The following PACRG variants were observed in gnomAD, a reference collection of about 807,000 sequenced individuals.
PACRG encodes parkin coregulated gene protein.
Under a neutral mutation model 29.7 loss-of-function variants are expected in PACRG, and 29 were observed. That is an observed-to-expected ratio of 0.98 (90% CI 0.73 to 1.33). PACRG has a LOEUF of 1.33. Ranked by LOEUF, PACRG falls within the 40% of genes most tolerant of loss-of-function variation. The pLI, the probability that PACRG is intolerant of heterozygous loss-of-function variation, is 0.00. For synonymous variants in PACRG, 116 were observed against 118.7 expected, an observed-to-expected ratio of 0.98 and a Z score of 0.15; for missense variants, 279 against 316.2, an observed-to-expected ratio of 0.88 and a Z score of 0.89.
chr6:162,824,940 G>T (rs1685250147), intron 2 of PACRG, among the ~76,000 whole-genome samples: 1 of 152,142 alleles, frequency 6.6e-6, no homozygotes, highest in Non-Finnish European at 1.5e-5. Flanking sequence ...TCAGTGATCT[G>T]GTTCAAATAA....
At chr6:163,174,133 A>G (rs7740626) in intron 4 of PACRG, among the ~76,000 whole-genome samples, 83,870 of 152,172 alleles carry the variant, frequency 0.55, 25,307 homozygotes, top group African/African-American at 0.81. Context: ...GAGCAGGAAT[A>G]CCCAATCTTT....
chr6:163,215,622 T>A (rs1459251945), intron 4 of PACRG, among the ~76,000 whole-genome samples: 3 of 152,196 alleles, frequency 2.0e-5, no homozygotes, highest in Non-Finnish European at 2.9e-5. Context: ...ATCTTAGAGC[T>A]ATTTATGAGC....
chr6:162,930,343 C>T (rs1437935290), intron 2 of PACRG, among the ~76,000 whole-genome samples: 1 of 151,556 alleles, frequency 6.6e-6, no homozygotes, highest in Non-Finnish European at 1.5e-5. Flanking sequence ...ATTTTATATT[C>T]TTTGTAACTT....
intron 4 of PACRG, among the ~76,000 whole-genome samples, chr6:163,135,118 A>G (rs939171559): frequency 1.3e-5 from 2 of 152,134 alleles, no homozygotes; most frequent in Admixed American, 1.3e-4. Context: ...ATCATTCTTC[A>G]ACACGCTTTC....
intron 2 of PACRG, among the ~76,000 whole-genome samples, chr6:163,024,862 A>G (rs1038330422): frequency 2.6e-5 from 4 of 152,224 alleles, no homozygotes; most frequent in Non-Finnish European, 5.9e-5. Flanking sequence ...CGGCACATCA[A>G]AAAGTTAATA....
intron 4 of PACRG, among the ~76,000 whole-genome samples, chr6:163,269,975 G>GA (rs1441647249): frequency 3.8e-5 from 3 of 79,934 alleles, no homozygotes; most frequent in African/African-American, 1.0e-4. Context: ...AAGAAAGAAA[G>GA]AAAGAAAGAA....
At chr6:162,980,171 TACACAC>T (rs10559588) in intron 2 of PACRG, among the ~76,000 whole-genome samples, 2 of 150,196 alleles carry the variant, frequency 1.3e-5, no homozygotes, top group South Asian at 2.1e-4. Context: ...AACACACACA[TACACAC>T]ACACACACAC....
intron 2 of PACRG, among the ~76,000 whole-genome samples, chr6:162,848,425 T>C (rs1790589970): frequency 6.6e-6 from 1 of 152,174 alleles, no homozygotes; most frequent in Admixed American, 6.5e-5. Flanking sequence ...ATGTTCAAAA[T>C]ATCACACGAG....
chr6:163,004,737 TAC>T (rs146095540), intron 2 of PACRG, among the ~76,000 whole-genome samples: 46,311 of 135,002 alleles, frequency 0.34, 8,235 homozygotes, highest in East Asian at 0.52. Context: ...TATATATATA[TAC>T]ACACACACAC....
intron 4 of PACRG, among the ~76,000 whole-genome samples, chr6:163,100,416 G>C (rs940932500): frequency 6.6e-6 from 1 of 152,188 alleles, no homozygotes; most frequent in African/African-American, 2.4e-5. Context: ...GGCGTCGCGC[G>C]GCCAGCCCCT....
At chr6:162,886,876 C>T (rs1420501871) in intron 2 of PACRG, among the ~76,000 whole-genome samples, 1 of 151,984 alleles carries the variant, frequency 6.6e-6, no homozygotes, top group Non-Finnish European at 1.5e-5. Context: ...AGACGTTATC[C>T]ATACAATAAT....
At chr6:163,310,469 C>G (rs1489759508) in intron 4 of PACRG, 1 of 152,248 alleles carries the variant, frequency 6.6e-6, no homozygotes, top group South Asian at 2.1e-4. Context: ...CCCTATAGCG[C>G]GGAGTAGATG....
At chr6:163,011,357 C>A (rs935931219) in intron 2 of PACRG, among the ~76,000 whole-genome samples, 2 of 152,184 alleles carry the variant, frequency 1.3e-5, no homozygotes, top group African/African-American at 4.8e-5. Context: ...AGCAAGTGAT[C>A]GTCCTGAATA....
intron 2 of PACRG, among the ~76,000 whole-genome samples, chr6:163,047,707 G>C (rs1203583670): frequency 2.6e-5 from 4 of 152,100 alleles, no homozygotes; most frequent in African/African-American, 9.7e-5. Flanking sequence ...ATATCTTCCA[G>C]CTAGACAGAG....
chr6:162,781,928 A>G (rs1784123767), intron 1 of PACRG, among the ~76,000 whole-genome samples: 1 of 151,902 alleles, frequency 6.6e-6, no homozygotes, highest in Non-Finnish European at 1.5e-5. Flanking sequence ...TAATAATTAT[A>G]TTAAATGTAA....
At chr6:163,135,423 G>A (rs1307465326) in intron 4 of PACRG, among the ~76,000 whole-genome samples, 2 of 152,126 alleles carry the variant, frequency 1.3e-5, no homozygotes, top group African/African-American at 2.4e-5. Context: ...TCCTGACCTC[G>A]TGATCCACCT....
At chr6:163,179,567 G>A (rs1234241150) in intron 4 of PACRG, among the ~76,000 whole-genome samples, 1 of 152,082 alleles carries the variant, frequency 6.6e-6, no homozygotes, top group African/African-American at 2.4e-5. Flanking sequence ...TAATCCAGGT[G>A]TGTTGGCACG....
At chr6:163,293,355 A>G (rs2128187825) in intron 4 of PACRG, among the ~76,000 whole-genome samples, 1 of 152,354 alleles carries the variant, frequency 6.6e-6, no homozygotes, top group East Asian at 1.9e-4. Context: ...GAACATCCAG[A>G]GGCCCAAAGC....
At chr6:162,776,068 G>A (rs1196676140) in intron 1 of PACRG, among the ~76,000 whole-genome samples, 1 of 152,154 alleles carries the variant, frequency 6.6e-6, no homozygotes, top group Non-Finnish European at 1.5e-5. Context: ...GAGCCTGGCA[G>A]ATACCACAAA....
Sources: gnomAD v4.1 joint callset for allele counts (sites outside exome capture counted in the v4.1 genomes callset) on GRCh38, gnomAD v4.1.1 for gene constraint, MANE v1.5 for transcripts, NCBI Gene and HGNC (gene_info 2026-07-23, HGNC 2026-07-21) for gene names.